The following IP6K1 variants were observed in gnomAD, a reference collection of about 807,000 sequenced individuals.
IP6K1 encodes the protein ATP:1D-myo-inositol-hexakisphosphate phosphotransferase.
In IP6K1, 13 loss-of-function variants were observed where a neutral mutation model predicts 38.3. The ratio of observed to expected loss-of-function variants is 0.34; its 90% confidence interval spans 0.22 to 0.54. The LOEUF (loss-of-function observed/expected upper bound fraction) is 0.54, where lower values mean the gene tolerates loss of function less well. Among genes scored for constraint, IP6K1 ranks in the 20% least tolerant of loss-of-function variants. The probability of loss-of-function intolerance (pLI) is 0.92; values close to 1 mark genes in which losing one functional copy is unlikely to be tolerated. For synonymous variants in IP6K1, 212 were observed against 229.9 expected (o/e 0.92, Z 0.70); for missense variants, 397 against 599.8 (o/e 0.66, Z 3.53).
chr3:49,753,767 G>C (rs1383833824), intron 1 of IP6K1, among the ~76,000 whole-genome samples: 3 of 152,038 alleles, frequency 2.0e-5, no homozygotes, highest in African/African-American at 7.2e-5. Flanking sequence ...GCAAAAACCA[G>C]AACAAACGGG....
Position 49,748,084 on chromosome 3 carries a change from C to A in IP6K1, c.-44G>T. Reference sequence around the variant, plus strand: ...CACACTGAGGGCAGAGGATGCAGCACATGGGCCACAAAAGGAGAGCTACAT... The same window carrying A: ...CACACTGAGGGCAGAGGATGCAGCAAATGGGCCACAAAAGGAGAGCTACAT... On this transcript the variant is annotated 5_prime_UTR_variant, in exon 2 of 6. The change abolishes an upstream ATG in the 5' untranslated region. Coordinates refer to ENST00000321599, the MANE Select transcript of IP6K1 (RefSeq NM_153273.4). 1 of 1,606,318 alleles carries A rather than the reference C, an allele frequency of 6.2e-7. No individual in the cohort carries two copies. Among genetic ancestry groups the A allele is most frequent in the Non-Finnish European group, 8.5e-7 (1 of 1,175,024 alleles).
intron 4 of IP6K1, among the ~76,000 whole-genome samples, chr3:49,731,454 G>C (rs2080560985): frequency 6.6e-6 from 1 of 152,072 alleles, no homozygotes; most frequent in African/African-American, 2.4e-5. Flanking sequence ...AACATGTGAT[G>C]GTAAAATATG....
intron 1 of IP6K1, among the ~76,000 whole-genome samples, chr3:49,769,522 C>T (rs1454437426): frequency 4.6e-5 from 7 of 152,140 alleles, no homozygotes; most frequent in Non-Finnish European, 5.9e-5. Flanking sequence ...AATTGTTTTT[C>T]GACAAAAGTA....
chr3:49,728,075 A>G (rs768923457), intron 5 of IP6K1, 28 bp downstream of exon 5: 3 of 1,598,058 alleles, frequency 1.9e-6, no homozygotes, highest in Non-Finnish European at 2.6e-6. Context: ...AAGTGGCAGC[A>G]CCTAGGCTCT....
chr3:49,750,223 T>C (rs573537453), intron 1 of IP6K1, among the ~76,000 whole-genome samples: 1 of 152,292 alleles, frequency 6.6e-6, no homozygotes, highest in Admixed American at 6.5e-5. Flanking sequence ...TAGATTGGCT[T>C]CTGCCCTGGC....
intron 1 of IP6K1, among the ~76,000 whole-genome samples, chr3:49,762,545 GT>G (rs2080876428): frequency 6.6e-6 from 1 of 151,584 alleles, no homozygotes; most frequent in African/African-American, 2.4e-5. Context: ...GCGAGACTCT[GT>G]CTCAAAATAA....
intron 1 of IP6K1, chr3:49,785,979 AT>A (rs1370454876): frequency 1.2e-4 from 18 of 152,254 alleles, no homozygotes; most frequent in Admixed American, 1.2e-3. Flanking sequence ...CAGGAACGCT[AT>A]CTAAGAAAGA....
intron 1 of IP6K1, among the ~76,000 whole-genome samples, chr3:49,774,797 T>C (rs1401645077): frequency 2.0e-5 from 3 of 152,184 alleles, no homozygotes; most frequent in Admixed American, 1.3e-4. Context: ...AGTCATTGTG[T>C]ACACTGAGTT....
Position 49,776,783 on chromosome 3 carries a change from G to C in IP6K1, c.-129+9571C>G, listed in dbSNP as rs575425305. Among the ~76,000 whole-genome samples the C allele has an allele frequency of 2.0e-5, 3 of 152,234 alleles. 1 individual carries two copies. In the East Asian group the frequency reaches 5.8e-4, roughly 29 times the overall value. ...AAATACAAACTCTGTGAATAATGAG[G>C]ATCGACTGTATATTAATATGATTCC... is the stretch of plus-strand genomic sequence containing the variant. On this transcript the variant is annotated intron_variant, in intron 1 of 5. Coordinates refer to ENST00000321599, the MANE Select transcript of IP6K1 (RefSeq NM_153273.4).
intron 1 of IP6K1, among the ~76,000 whole-genome samples, chr3:49,767,103 T>A (rs969110635): frequency 1.1e-4 from 16 of 146,210 alleles, no homozygotes; most frequent in South Asian, 4.3e-4. Context: ...CTCCACAAAA[T>A]TTTTTTTTTT....
intron 1 of IP6K1, among the ~76,000 whole-genome samples, chr3:49,782,460 C>T (rs1190232463): frequency 2.6e-5 from 4 of 152,030 alleles, no homozygotes; most frequent in Non-Finnish European, 5.9e-5. Context: ...TGAGCCACCG[C>T]GCCCGGCCTG....
At chr3:49,743,962 T>C (rs2080697764) in intron 2 of IP6K1, among the ~76,000 whole-genome samples, 1 of 152,054 alleles carries the variant, frequency 6.6e-6, no homozygotes, top group African/African-American at 2.4e-5. Context: ...ATTGCACCAC[T>C]GCACAATGCG....
At chr3:49,738,184 C>G (rs1487640890) in intron 3 of IP6K1, 28 bp downstream of exon 3, 1 of 1,581,054 alleles carries the variant, frequency 6.3e-7, no homozygotes, top group Admixed American at 1.7e-5. Flanking sequence ...AGTGCTTGTA[C>G]CAGCAGGACG....
At chr3:49,759,781 G>A (rs1165193635) in intron 1 of IP6K1, among the ~76,000 whole-genome samples, 4 of 152,180 alleles carry the variant, frequency 2.6e-5, no homozygotes, top group Non-Finnish European at 5.9e-5. Context: ...AATACGTGAA[G>A]AAAACCTATA....
At chr3:49,732,448 TAATAA>T (rs2080570767) in intron 4 of IP6K1, among the ~76,000 whole-genome samples, 1 of 152,190 alleles carries the variant, frequency 6.6e-6, no homozygotes, top group African/African-American at 2.4e-5. Context: ...AAATTTTAAT[TAATAA>T]AATAAAATTT....
intron 1 of IP6K1, among the ~76,000 whole-genome samples, chr3:49,759,897 G>C (rs1327075737): frequency 6.6e-6 from 1 of 152,152 alleles, no homozygotes; most frequent in Non-Finnish European, 1.5e-5. Flanking sequence ...TGAAATACCA[G>C]AATTATTGTT....
chr3:49,749,689 GA>G (rs1241623605), intron 1 of IP6K1, among the ~76,000 whole-genome samples: 1 of 151,992 alleles, frequency 6.6e-6, no homozygotes, highest in African/African-American at 2.4e-5. Flanking sequence ...CAAAAAGAAA[GA>G]AAAAACTACT....
chr3:49,734,797 G>A (rs1256194586), intron 3 of IP6K1, among the ~76,000 whole-genome samples: 1 of 152,220 alleles, frequency 6.6e-6, no homozygotes, highest in Non-Finnish European at 1.5e-5. Context: ...GCGTCTGGAT[G>A]AAGCCCCCAC....
chr3:49,727,356 C>T lies in IP6K1; in HGVS notation c.1092G>A (p.Val364=). Residue 364 remains valine (V), a synonymous_variant, in exon 6 of 6, where the codon GTG becomes GTA. Coordinates refer to ENST00000321599, the MANE Select transcript of IP6K1 (RefSeq NM_153273.4). This position sits in a 1 kb window ranked among gnomAD's most constrained non-coding sequence, Gnocchi z 5.9. ...CACAGGATGACGCCACCTCAGGGAGCACCATGTCCAGGTGCTTGAGACGCA... is the reference window on the plus strand; with the variant it reads ...CACAGGATGACGCCACCTCAGGGAGTACCATGTCCAGGTGCTTGAGACGCA... ...SEMRLKHLDM[V]LPEVASSCGP... The T allele has an allele frequency of 6.2e-7, 1 of 1,614,062 alleles. No individual in the cohort carries two copies. Among genetic ancestry groups the T allele is most frequent in the Non-Finnish European group, 8.5e-7 (1 of 1,180,006 alleles).
Sources: allele counts gnomAD v4.1 joint callset (sites outside exome capture counted in the v4.1 genomes callset), GRCh38; gene constraint gnomAD v4.1.1; non-coding constraint Gnocchi (gnomAD v3.1); transcripts MANE v1.5; gene names NCBI Gene and HGNC (gene_info 2026-07-23, HGNC 2026-07-21).